Variants in LILRB4 observed in about 807,000 individuals in gnomAD.
LILRB4 encodes leukocyte immunoglobulin like receptor B4.
A neutral mutation model predicts 55.2 loss-of-function variants in LILRB4; 49 were observed. The observed-to-expected ratio is 0.89, with a 90% CI of 0.71 to 1.13. LILRB4 has a LOEUF of 1.13. Among genes scored for constraint, LILRB4 ranks in the 50% most tolerant of loss-of-function variants. The pLI is 0.00. For synonymous variants in LILRB4, 229 were observed against 213.8 expected (o/e 1.07, Z -0.62); for missense variants, 590 against 555.2 (o/e 1.06, Z -0.63).
intron 5 of LILRB4, 131 bp downstream of exon 5, chr19:54,664,980 C>A: frequency 7.4e-7 from 1 of 1,353,428 alleles, no homozygotes; most frequent in Non-Finnish European, 1.0e-6. Flanking sequence ...AGTCGGGCAG[C>A]GACTTGGGAG....
In LILRB4 at chr19:54,666,701, T is replaced by C. The variant is rs1170557341; in HGVS notation, c.993T>C (p.Ala331=). 1 of 1,614,164 alleles carries C rather than the reference T, an allele frequency of 6.2e-7. No homozygotes were observed. The highest frequency in any genetic ancestry group is 8.5e-7 in the Non-Finnish European group (1 of 1,179,994). Residue 331 remains alanine, a synonymous_variant, in exon 10 of 12, where the codon GCT becomes GCC. Transcript: ENST00000430952. The surrounding 1 kb of genome is among the most constrained non-coding windows in gnomAD (Gnocchi z 4.8). The stretch of plus-strand genomic sequence containing the variant: ...CCCCTTGCTCTACCCCAGCAGGTGC[T>C]GCCGTGAAGAACACACAGCCTGAGG...
rs1445164407 is a variant in LILRB4 at position 54,664,439 on chromosome 19, C to G, written c.609C>G (p.His203Gln). 8 of 1,595,332 alleles carry G rather than the reference C, an allele frequency of 5.0e-6. No homozygotes were observed. In the African/African-American group the frequency reaches 9.6e-5, roughly 19 times the overall value. The change falls in exon 4 of 12, where the codon CAC becomes CAG. Residue 203 changes from histidine (H) to glutamine (Q), a missense_variant. His to Gln is a conservative substitution (Grantham distance 24). Transcript: ENST00000430952. ...GCTTCAGCTCACACGGCTTCTCCCA[C>G]TACCTGCTGTCACACCCCAGTGACC...
chr19:54,663,862 T>G (rs1349578069), exon 3 of LILRB4: 2 of 1,613,982 alleles, frequency 1.2e-6, no homozygotes, highest in African/African-American at 2.7e-5. Flanking sequence ...GAGTACCGTC[T>G]GGATAAAGAG....
chr19:54,665,850 T>G lies in LILRB4; in HGVS notation c.793T>G (p.Leu265Val). The G allele has an allele frequency of 6.2e-7, 1 of 1,613,398 alleles. No individual in the cohort carries two copies. Among genetic ancestry groups the G allele is most frequent in the Non-Finnish European group, 8.5e-7 (1 of 1,179,750 alleles). The change falls in exon 7 of 12, where the codon TTG becomes GTG. Residue 265 changes from leucine (L) to valine (V), a missense_variant. Physicochemically the swap from Leu to Val is conservative, Grantham distance 32. Coordinates refer to ENST00000430952, the Ensembl canonical transcript of LILRB4. The surrounding 1 kb of genome is among the most constrained non-coding windows in gnomAD (Gnocchi z 5.5). ...GCACTGGGAGGTACTGATCGGGGTC[T>G]TGGTGGTCTCCATCCTGCTTCTCTC...
intron 1 of LILRB4, 138 bp from the exon 2 acceptor site, chr19:54,663,394 C>G: frequency 9.1e-6 from 12 of 1,312,988 alleles, no homozygotes; most frequent in Non-Finnish European, 1.2e-5. Context: ...TGCAGTGAGC[C>G]AAGATCGCAC....
chr19:54,667,192 G>T, intron 10 of LILRB4: 1 of 551,238 alleles, frequency 1.8e-6, no homozygotes, highest in Non-Finnish European at 3.6e-6. Context: ...GCAAATAAAT[G>T]CATCGTGTCC....
chr19:54,663,440 T>C (rs1357660549), intron 1 of LILRB4, 92 bp from the exon 2 acceptor site: 15 of 413,452 alleles, frequency 3.6e-5, no homozygotes, highest in African/African-American at 6.4e-5. Context: ...CGAGACTCCG[T>C]CTCAAAAAAA....
exon 1 of LILRB4, chr19:54,663,038 T>A: frequency 6.2e-7 from 1 of 1,613,624 alleles, no homozygotes; most frequent in Non-Finnish European, 8.5e-7. Flanking sequence ...GACGCCATGA[T>A]CCCCACCTTC....
intron 10 of LILRB4, 153 bp from the exon 11 acceptor site, chr19:54,667,482 G>T (rs192288566): frequency 3.6e-6 from 5 of 1,408,376 alleles, no homozygotes; most frequent in Admixed American, 5.2e-5. Flanking sequence ...AGAACCACAG[G>T]GAGGGAGCGG....
At position 54,665,017 on chromosome 19, in the gene LILRB4, G is replaced by T. The variant is rs763316149; in HGVS notation, c.707-113G>T. On this transcript the variant is annotated intron_variant, in intron 5 of 11. Coordinates refer to ENST00000430952, the Ensembl canonical transcript of LILRB4. This position sits in a 1 kb window ranked among gnomAD's most constrained non-coding sequence, Gnocchi z 5.5. Reference sequence around the variant, plus strand: ...CACCACAGGCTCCCAAGGCCCTGAGGCTGGGCTGGTGAGGGGTGAGGGGGT... The same window carrying T: ...CACCACAGGCTCCCAAGGCCCTGAGTCTGGGCTGGTGAGGGGTGAGGGGGT... 13 of 1,442,558 alleles carry T rather than the reference G, an allele frequency of 9.0e-6. No individual in the cohort carries two copies. In the African/African-American group the frequency reaches 1.4e-4, roughly 15 times the overall value. The allele number at this position is 1,442,558 out of a possible 1,614,324, so 89.4% of individuals were successfully genotyped here.
rs2065275581 is a variant in LILRB4 at position 54,666,591 on chromosome 19, C to T, written c.989-106C>T. The T allele has an allele frequency of 2.8e-6, 4 of 1,432,770 alleles. No homozygotes were observed. The highest frequency in any genetic ancestry group is 2.5e-5 in the South Asian group (2 of 81,022). 88.8% of individuals were successfully genotyped at this position (1,432,770 alleles called of 1,614,324 possible). ...TGGGACCTCGGGGACATCACAGCCC[C>T]TCCCTGCGTTGCAGTGGCACTAATG... On this transcript the variant is annotated intron_variant, in intron 9 of 11. Transcript: ENST00000430952. The surrounding 1 kb of genome is among the most constrained non-coding windows in gnomAD (Gnocchi z 4.8).
In LILRB4 at chr19:54,665,338, G is replaced by T. The variant is rs966250191; in HGVS notation, c.757+158G>T. 7.9e-6 allele frequency: 7 copies of T among 887,228 alleles called. No homozygotes were observed. The highest frequency in any genetic ancestry group is 9.5e-6 in the Non-Finnish European group (7 of 740,598). The allele number at this position is 887,228 out of a possible 1,614,324, so 55.0% of individuals were successfully genotyped here. On this transcript the variant is annotated intron_variant, in intron 6 of 11. Coordinates refer to ENST00000430952, the Ensembl canonical transcript of LILRB4. The surrounding 1 kb of genome is among the most constrained non-coding windows in gnomAD (Gnocchi z 5.5). ...AAGTGTAAAGGAGAGAGGCCTGCGG[G>T]TGGGAAAGTTCCTTTCAGCTCTGAC...
intron 1 of LILRB4, 146 bp from the exon 2 acceptor site, chr19:54,663,386 C>T: frequency 4.0e-6 from 5 of 1,248,676 alleles, no homozygotes; most frequent in Non-Finnish European, 5.4e-6. Context: ...GCGGAGCTTG[C>T]AGTGAGCCAA....
In LILRB4 at chr19:54,663,521, C is replaced by T. The variant is rs1186537772; in HGVS notation, c.35-11C>T. 6.2e-7 allele frequency: 1 copy of T among 1,612,622 alleles called. No homozygotes were observed. Among genetic ancestry groups the T allele is most frequent in the South Asian group, 1.1e-5 (1 of 91,042 alleles). Reference sequence around the variant, plus strand: ...TCCGGGGCAAATCCCTCACAGGGAACTCTCTTCCAGGGCTGAGTCTGGGCC... The same window carrying T: ...TCCGGGGCAAATCCCTCACAGGGAATTCTCTTCCAGGGCTGAGTCTGGGCC... On this transcript the variant is annotated splice_polypyrimidine_tract_variant and intron_variant, in intron 1 of 11. Coordinates refer to ENST00000430952, the Ensembl canonical transcript of LILRB4.
chr19:54,664,110 C>G, intron 3 of LILRB4, 72 bp downstream of exon 3: 1 of 1,597,584 alleles, frequency 6.3e-7, no homozygotes, highest in Non-Finnish European at 8.5e-7. Flanking sequence ...AGGGGCATCT[C>G]CCTCTCACAG....
rs369907422 is a variant in LILRB4, at chr19:54,666,668, G to C, written c.989-29G>C. ...GAGAGGTCCCAGGGAACCTTCCCAG[G>C]AGATGAACCCCTTGCTCTACCCCAG... On this transcript the variant is annotated intron_variant, in intron 9 of 11. Transcript: ENST00000430952. The surrounding 1 kb of genome is among the most constrained non-coding windows in gnomAD (Gnocchi z 4.8). 6.2e-7 allele frequency: 1 copy of C among 1,612,190 alleles called. No individual in the cohort carries two copies.
intron 4 of LILRB4, 133 bp downstream of exon 4, chr19:54,664,618 C>A: frequency 9.3e-7 from 1 of 1,080,334 alleles, no homozygotes; most frequent in Non-Finnish European, 1.3e-6. Flanking sequence ...GGGAGGAGGA[C>A]AACAGGGGCC....
chr19:54,667,778 A>G (rs11574592), exon 11 of LILRB4: 27,424 of 1,543,828 alleles, frequency 0.018, 704 homozygotes, highest in African/African-American at 0.14. Context: ...AAGAGGACAG[A>G]CAGATGGACA....
intron 1 of LILRB4, among the ~76,000 whole-genome samples, 161 bp from the exon 2 acceptor site, chr19:54,663,371 G>A (rs1470072649): frequency 7.5e-5 from 11 of 146,992 alleles, no homozygotes; most frequent in African/African-American, 1.8e-4. Flanking sequence ...GCGTGAACCC[G>A]GGAGGCGGAG....
Sources: gnomAD v4.1 joint callset for allele counts (sites outside exome capture counted in the v4.1 genomes callset) on GRCh38, gnomAD v4.1.1 for gene constraint, Gnocchi (gnomAD v3.1) non-coding constraint, MANE v1.5 for transcripts, NCBI Gene and HGNC (gene_info 2026-07-23, HGNC 2026-07-21) for gene names.